PTPRR: variants seen among roughly 807,000 people sequenced by gnomAD.
The protein encoded by PTPRR is receptor-type tyrosine-protein phosphatase R.
Under a neutral mutation model 77.2 loss-of-function variants are expected in PTPRR, and 38 were observed. The observed-to-expected ratio is 0.49, with a 90% CI of 0.38 to 0.65. The LOEUF (loss-of-function observed/expected upper bound fraction) is 0.65. Among genes scored for constraint, PTPRR ranks in the 30% least tolerant of loss-of-function variants. PTPRR has a pLI of 0.00. For synonymous variants in PTPRR, 299 were observed against 283.1 expected (o/e 1.06, Z -0.57); for missense variants, 744 against 799.2 (o/e 0.93, Z 0.83).
intron 12 of PTPRR, among the ~76,000 whole-genome samples, chr12:70,660,417 A>G (rs1886755677): frequency 6.6e-6 from 1 of 152,052 alleles, no homozygotes; most frequent in African/African-American, 2.4e-5. Context: ...TCCTTTGGTG[A>G]CTTGCTCACT....
At chr12:70,848,309 G>A (rs1369082535) in intron 2 of PTPRR, among the ~76,000 whole-genome samples, 1 of 152,088 alleles carries the variant, frequency 6.6e-6, no homozygotes, top group Non-Finnish European at 1.5e-5. Context: ...ATATTTCTAT[G>A]TTCATCTGTG....
At chr12:70,838,094 C>T (rs1206574167) in intron 2 of PTPRR, among the ~76,000 whole-genome samples, 1 of 152,128 alleles carries the variant, frequency 6.6e-6, no homozygotes, top group African/African-American at 2.4e-5. Flanking sequence ...AGCTATTGAC[C>T]TGAAATGTCT....
intron 2 of PTPRR, among the ~76,000 whole-genome samples, chr12:70,812,468 C>A (rs537966339): frequency 6.6e-6 from 1 of 152,114 alleles, no homozygotes; most frequent in Admixed American, 6.5e-5. Flanking sequence ...ATCCACATGC[C>A]CACTCCATTT....
chr12:70,893,449 A>C (rs1893373476), intron 1 of PTPRR, among the ~76,000 whole-genome samples: 1 of 151,920 alleles, frequency 6.6e-6, no homozygotes, highest in African/African-American at 2.4e-5. Context: ...CAGAGTATTT[A>C]AGCTCTCTGA....
At chr12:70,885,959 G>T (rs1893233581) in intron 2 of PTPRR, among the ~76,000 whole-genome samples, 1 of 152,110 alleles carries the variant, frequency 6.6e-6, no homozygotes, top group Admixed American at 6.5e-5. Flanking sequence ...CTCATTCACT[G>T]CACCTGGAGA....
chr12:70,768,495 T>G (rs1890884903), intron 2 of PTPRR, among the ~76,000 whole-genome samples: 2 of 152,066 alleles, frequency 1.3e-5, no homozygotes, highest in South Asian at 2.1e-4. Context: ...AAAAATAGGA[T>G]CTGAAATTGT....
chr12:70,662,889 T>G (rs1167311031), intron 10 of PTPRR, among the ~76,000 whole-genome samples: 3 of 151,058 alleles, frequency 2.0e-5, no homozygotes, highest in African/African-American at 4.9e-5. Context: ...AAAGGCAGAA[T>G]TACCCAAAAC....
intron 6 of PTPRR, among the ~76,000 whole-genome samples, chr12:70,707,677 A>T (rs921062908): frequency 1.3e-5 from 2 of 152,056 alleles, no homozygotes; most frequent in Non-Finnish European, 1.5e-5. Flanking sequence ...AAATCTCTTG[A>T]GTTTGGAGAA....
chr12:70,871,259 T>C (rs776471261), intron 2 of PTPRR, among the ~76,000 whole-genome samples: 2 of 152,162 alleles, frequency 1.3e-5, no homozygotes, highest in Admixed American at 1.3e-4. Context: ...AAAACTTCAA[T>C]AGCAGCAAAC....
chr12:70,879,115 G>A (rs970188945), intron 2 of PTPRR, among the ~76,000 whole-genome samples: 19 of 152,092 alleles, frequency 1.2e-4, no homozygotes, highest in African/African-American at 4.6e-4. Context: ...GGTGTGGGGA[G>A]GGGGAAGGGA....
intron 8 of PTPRR, among the ~76,000 whole-genome samples, chr12:70,693,974 T>C (rs2136762151): frequency 6.6e-6 from 1 of 152,240 alleles, no homozygotes; most frequent in South Asian, 2.1e-4. Flanking sequence ...ACACATACTA[T>C]CATTTAATTT....
At chr12:70,763,159 G>C (rs778580835) in intron 3 of PTPRR, among the ~76,000 whole-genome samples, 1 of 150,586 alleles carries the variant, frequency 6.6e-6, no homozygotes, top group Non-Finnish European at 1.5e-5. Context: ...ATGGAGTTTC[G>C]CTCTTGTTGT....
chr12:70,656,366 C>T (rs1259759289), intron 13 of PTPRR, among the ~76,000 whole-genome samples: 1 of 151,938 alleles, frequency 6.6e-6, no homozygotes, highest in Non-Finnish European at 1.5e-5. Flanking sequence ...CCCATCTCTA[C>T]AAAAAACTAA....
chr12:70,674,531 G>A (rs1306497672), intron 10 of PTPRR, among the ~76,000 whole-genome samples: 2 of 151,942 alleles, frequency 1.3e-5, no homozygotes, highest in African/African-American at 4.8e-5. Context: ...CTTTTTTTAA[G>A]CATCAAAGTG....
chr12:70,748,905 A>T (rs796242948), intron 5 of PTPRR, among the ~76,000 whole-genome samples: 15 of 152,354 alleles, frequency 9.8e-5, no homozygotes, highest in African/African-American at 3.6e-4. Flanking sequence ...ATGCAAAAGT[A>T]ACACAGAACT....
intron 1 of PTPRR, among the ~76,000 whole-genome samples, chr12:70,903,477 G>T (rs1893573785): frequency 6.6e-6 from 1 of 151,640 alleles, no homozygotes; most frequent in Non-Finnish European, 1.5e-5. Context: ...TTTGATAAAG[G>T]TGAACAATAA....
chr12:70,684,186 C>T lies in PTPRR; in HGVS notation c.1438G>A (p.Val480Ile). The change falls in exon 10 of 14, where the codon GTT (valine) becomes ATT (isoleucine). Residue 480 changes from valine (V) to isoleucine (I), a missense_variant. Val to Ile is a conservative substitution (Grantham distance 29). This residue lies in a region of PTPRR where 4 missense variants were observed against 16.2 expected (regional missense o/e 0.25). Transcript: ENST00000283228. ...INTVDDFWQMVWQEDSPVIVM... is the reference protein window; with the variant it reads ...INTVDDFWQMIWQEDSPVIVM... ...ATCACAGGGCTGTCTTCCTGCCAAACCATCTGCCAGAAATCATCCACGGTG... is the reference window on the plus strand; with the variant it reads ...ATCACAGGGCTGTCTTCCTGCCAAATCATCTGCCAGAAATCATCCACGGTG... The T allele has an allele frequency of 6.2e-7, 1 of 1,614,070 alleles. No individual in the cohort carries two copies. The highest frequency in any genetic ancestry group is 1.3e-5 in the African/African-American group (1 of 75,038).
At chr12:70,678,873 G>C (rs1174126428) in intron 10 of PTPRR, among the ~76,000 whole-genome samples, 2 of 151,978 alleles carry the variant, frequency 1.3e-5, no homozygotes, top group Non-Finnish European at 2.9e-5. Flanking sequence ...GTAGAGACAG[G>C]GTTTCACCAT....
intron 2 of PTPRR, among the ~76,000 whole-genome samples, chr12:70,782,493 G>A (rs921445416): frequency 6.6e-6 from 1 of 152,094 alleles, no homozygotes; most frequent in Non-Finnish European, 1.5e-5. Context: ...TATACACCAT[G>A]GAATACTATG....
Sources: allele counts gnomAD v4.1 joint callset (sites outside exome capture counted in the v4.1 genomes callset), GRCh38; gene constraint gnomAD v4.1.1; regional missense constraint gnomAD v4.1.1; transcripts MANE v1.5; gene names NCBI Gene and HGNC (gene_info 2026-07-23, HGNC 2026-07-21).